Variants in DNAH14 observed in about 807,000 individuals in gnomAD.
DNAH14 encodes the protein dynein axonemal heavy chain 14.
Under a neutral mutation model 520.9 loss-of-function variants are expected in DNAH14, and 478 were observed. The observed-to-expected ratio is 0.92, with a 90% CI of 0.85 to 0.99. The LOEUF is 0.99. Ranked by LOEUF, DNAH14 falls within the 50% of genes least tolerant of loss-of-function variation. DNAH14 has a pLI of 0.00. For missense variants in DNAH14, 4,831 were observed against 5,234.5 expected, an observed-to-expected ratio of 0.92 and a Z score of 2.38; for synonymous variants, 1,581 against 1,757.2, an observed-to-expected ratio of 0.90 and a Z score of 2.51.
At chr1:225,225,673 A>T (rs1358419481) in intron 41 of DNAH14, among the ~76,000 whole-genome samples, 1 of 152,198 alleles carries the variant, frequency 6.6e-6, no homozygotes, top group Non-Finnish European at 1.5e-5. Context: ...TCAATCAACC[A>T]TAAAAAAGCA....
chr1:225,316,821 C>T (rs1020185629), intron 60 of DNAH14, among the ~76,000 whole-genome samples: 1 of 152,212 alleles, frequency 6.6e-6, no homozygotes, highest in Non-Finnish European at 1.5e-5. Flanking sequence ...AATCATGCCA[C>T]ACTCCTATAA....
At chr1:225,364,022 G>A (rs2150573269) in intron 75 of DNAH14, among the ~76,000 whole-genome samples, 1 of 152,238 alleles carries the variant, frequency 6.6e-6, no homozygotes, top group Admixed American at 6.5e-5. Flanking sequence ...TTTGTAAAGT[G>A]TCCCTCAATT....
intron 28 of DNAH14, 26 bp downstream of exon 28, chr1:225,141,047 A>G (rs980113167): frequency 4.0e-6 from 6 of 1,496,342 alleles, no homozygotes; most frequent in African/African-American, 1.4e-5. Context: ...TTATAACTAC[A>G]TACAATAACT....
In DNAH14 at chr1:224,972,313, A is replaced by T. The variant is rs748794827; in HGVS notation, c.768-1778A>T. On this transcript the variant is annotated intron_variant, in intron 7 of 85. Coordinates refer to ENST00000682510, the MANE Select transcript of DNAH14 (RefSeq NM_001367479.1). ...AAATTTTATGATTTATTTATTTATTATTTTTTTTGAGACAGAGTCCTGCTC... is the reference window on the plus strand; with the variant it reads ...AAATTTTATGATTTATTTATTTATTTTTTTTTTTGAGACAGAGTCCTGCTC... Among the ~76,000 whole-genome samples the T allele has an allele frequency of 1.4e-3, 211 of 151,576 alleles. 1 individual carries two copies. The highest frequency in any genetic ancestry group is 3.6e-3 in the African/African-American group (150 of 41,318).
At chr1:225,226,241 C>T (rs1055771563) in intron 41 of DNAH14, among the ~76,000 whole-genome samples, 1 of 152,172 alleles carries the variant, frequency 6.6e-6, no homozygotes, top group Non-Finnish European at 1.5e-5. Context: ...TGACTTACCC[C>T]CAGTGGGGTC....
At chr1:225,312,509 C>A (rs2094388826) in intron 60 of DNAH14, among the ~76,000 whole-genome samples, 2 of 152,222 alleles carry the variant, frequency 1.3e-5, no homozygotes, top group Admixed American at 6.5e-5. Context: ...GAGAAGGCAT[C>A]CTTGTCTTGT....
At chr1:224,994,555 T>C (rs759675863) in intron 8 of DNAH14, among the ~76,000 whole-genome samples, 5 of 152,070 alleles carry the variant, frequency 3.3e-5, no homozygotes, top group African/African-American at 7.2e-5. Context: ...TCAATCTATG[T>C]GTGTCCTTAA....
chr1:224,986,771 C>CA (rs1355769376), intron 8 of DNAH14, among the ~76,000 whole-genome samples: 1 of 152,108 alleles, frequency 6.6e-6, no homozygotes, highest in African/African-American at 2.4e-5. Context: ...ATATGGAATA[C>CA]AACAAAGATG....
intron 20 of DNAH14, among the ~76,000 whole-genome samples, chr1:225,083,552 G>A (rs2073388837): frequency 6.6e-6 from 1 of 152,158 alleles, no homozygotes; most frequent in South Asian, 2.1e-4. Context: ...AAATTAACAT[G>A]TCAAAAACAT....
Position 225,327,627 on chromosome 1 carries a change from A to T in DNAH14, c.9723+2795A>T, listed in dbSNP as rs1467872255. Among the ~76,000 whole-genome samples the T allele has an allele frequency of 2.0e-5, 3 of 152,212 alleles. No individual in the cohort carries two copies. The East Asian group carries it at 5.8e-4, about 29-fold the overall frequency. Reference sequence around the variant, plus strand: ...AATGCCTGCATTTAAAAAGAAAAATATAAAATCAGTAACCTAACTTCACAC... The same window carrying T: ...AATGCCTGCATTTAAAAAGAAAAATTTAAAATCAGTAACCTAACTTCACAC... On this transcript the variant is annotated intron_variant, in intron 64 of 85. Coordinates refer to ENST00000682510, the MANE Select transcript of DNAH14 (RefSeq NM_001367479.1).
intron 28 of DNAH14, 50 bp from the exon 29 acceptor site, chr1:225,144,347 A>T (rs762772683): frequency 7.4e-7 from 1 of 1,350,660 alleles, no homozygotes; most frequent in Non-Finnish European, 1.0e-6. Flanking sequence ...GTGAAAATAC[A>T]TAAAAATAAT....
chr1:225,001,609 C>T (rs1173520425), intron 8 of DNAH14, among the ~76,000 whole-genome samples: 1 of 151,976 alleles, frequency 6.6e-6, no homozygotes, highest in Non-Finnish European at 1.5e-5. Flanking sequence ...TATGTGCACC[C>T]TCCCCATTTT....
At chr1:224,999,775 A>G (rs2063630047) in intron 8 of DNAH14, among the ~76,000 whole-genome samples, 1 of 152,016 alleles carries the variant, frequency 6.6e-6, no homozygotes, top group South Asian at 2.1e-4. Flanking sequence ...TTATATATAT[A>G]TTACAGTCTA....
At position 225,043,054 on chromosome 1, in the gene DNAH14, T is replaced by TG. The variant is rs1173259009; in HGVS notation, c.1708_1709insG (p.Leu570CysfsTer12). ...TGTCAAAAAACACTCAAGTGAAGAA[T>TG]TGCTCCCAAAAGCCAAGAAATCAAA... On this transcript the variant is annotated frameshift_variant, in exon 13 of 86. Transcript: ENST00000682510. LOFTEE classifies it high-confidence loss of function. 3 of 1,551,466 alleles carry TG rather than the reference T, an allele frequency of 1.9e-6. No individual in the cohort carries two copies. The highest frequency in any genetic ancestry group is 3.9e-5 in the Admixed American group (2 of 50,972).
intron 71 of DNAH14, among the ~76,000 whole-genome samples, chr1:225,349,650 G>T (rs1345966637): frequency 6.6e-6 from 1 of 152,128 alleles, no homozygotes; most frequent in East Asian, 1.9e-4. Flanking sequence ...AGGAGTGGTT[G>T]TACTAATATC....
chr1:225,326,584 TA>T (rs2094676183), intron 64 of DNAH14, among the ~76,000 whole-genome samples: 1 of 152,004 alleles, frequency 6.6e-6, no homozygotes, highest in Non-Finnish European at 1.5e-5. Context: ...GTGTAGTATA[TA>T]CCACTGAATA....
chr1:225,112,645 T>A (rs777249945), intron 23 of DNAH14, among the ~76,000 whole-genome samples: 3 of 152,124 alleles, frequency 2.0e-5, no homozygotes, highest in Non-Finnish European at 4.4e-5. Context: ...ATTTTCTAGA[T>A]CTTGTAGTCA....
At chr1:224,998,255 T>C (rs2063523851) in intron 8 of DNAH14, among the ~76,000 whole-genome samples, 1 of 152,148 alleles carries the variant, frequency 6.6e-6, no homozygotes, top group Non-Finnish European at 1.5e-5. Context: ...TTTTTCTCTA[T>C]GGTTTTTCTT....
At chr1:224,939,024 G>A (rs549245153) in intron 1 of DNAH14, among the ~76,000 whole-genome samples, 12 of 152,158 alleles carry the variant, frequency 7.9e-5, no homozygotes, top group African/African-American at 2.2e-4. Flanking sequence ...ACCAGAGGCC[G>A]GTAAGGGGAG....
Sources: allele counts gnomAD v4.1 joint callset (sites outside exome capture counted in the v4.1 genomes callset), GRCh38; gene constraint gnomAD v4.1.1; transcripts MANE v1.5; gene names NCBI Gene and HGNC (gene_info 2026-07-23, HGNC 2026-07-21).